CCDC57: variants seen among roughly 807,000 people sequenced by gnomAD.
CCDC57 encodes the protein coiled-coil domain containing 57.
A neutral mutation model predicts 118.9 loss-of-function variants in CCDC57; 118 were observed. The ratio of observed to expected loss-of-function variants is 0.99; its 90% CI spans 0.86 to 1.16. CCDC57 has a LOEUF of 1.16. Among genes scored for constraint, CCDC57 ranks in the 50% most tolerant of loss-of-function variants. The pLI is 0.00. For missense variants in CCDC57, 1,300 were observed against 1,320.7 expected (o/e 0.98, Z 0.24); for synonymous variants, 527 against 532.9 (o/e 0.99, Z 0.15).
In CCDC57 at chr17:82,135,086, A is replaced by G. The variant is rs997168566; in HGVS notation, c.2456-892T>C. On this transcript the variant is annotated intron_variant, in intron 16 of 19. Transcript: ENST00000665763. ...GTGTTTATAACTGTTGACATTTCAC[A>G]TATTGGAAATTGAAACAGACATTTT... 15 of 148,644 alleles carry G rather than the reference A, an allele frequency of 1.0e-4. 1 individual carries two copies. The highest frequency in any genetic ancestry group is 3.7e-4 in the African/African-American group (15 of 40,366). 9.2% of individuals were successfully genotyped at this position (148,644 alleles called of 1,614,324 possible). A position where few individuals can be genotyped will look rare whatever the true frequency, so the allele number is the denominator to read the frequency against.
chr17:82,203,870 T>C (rs898994899), intron 2 of CCDC57, among the ~76,000 whole-genome samples: 3 of 152,034 alleles, frequency 2.0e-5, no homozygotes, highest in African/African-American at 7.2e-5. Flanking sequence ...TGTCTTAGGG[T>C]ACCTCTGTAT....
chr17:82,193,926 T>A lies in CCDC57; in HGVS notation c.776+56A>T, dbSNP rs1197281767. ...AAAGGTAGAATCCCCCAGACTCCAGTCCTGGCCTGCGAGGCTGCCACAGAG... is the reference window on the plus strand; with the variant it reads ...AAAGGTAGAATCCCCCAGACTCCAGACCTGGCCTGCGAGGCTGCCACAGAG... On this transcript the variant is annotated intron_variant, in intron 6 of 19. Transcript: ENST00000665763. 3.2e-6 allele frequency: 5 copies of A among 1,582,254 alleles called. No homozygotes were observed. The African/African-American group carries it at 6.7e-5, about 21-fold the overall frequency.
intron 17 of CCDC57, among the ~76,000 whole-genome samples, chr17:82,133,366 C>T (rs370073790): frequency 1.4e-5 from 2 of 143,786 alleles, no homozygotes; most frequent in African/African-American, 5.2e-5. Context: ...AGAGCCAGGC[C>T]CTGTCTCAAA....
intron 3 of CCDC57, among the ~76,000 whole-genome samples, chr17:82,200,786 C>T (rs2048901418): frequency 1.3e-5 from 2 of 151,868 alleles, no homozygotes; most frequent in Non-Finnish European, 2.9e-5. Flanking sequence ...CAGCTAAAAA[C>T]TCTGTCTCAA....
At chr17:82,140,205 C>G (rs1045626767) in intron 16 of CCDC57, among the ~76,000 whole-genome samples, 3 of 152,132 alleles carry the variant, frequency 2.0e-5, no homozygotes, top group Non-Finnish European at 4.4e-5. Context: ...CCTCCATCAG[C>G]CTCCCGAGTA....
At chr17:82,164,644 C>G (rs1292153001) in intron 13 of CCDC57, among the ~76,000 whole-genome samples, 1 of 152,006 alleles carries the variant, frequency 6.6e-6, no homozygotes, top group African/African-American at 2.4e-5. Flanking sequence ...TCATAGGATA[C>G]TATAAGCAAC....
At chr17:82,102,493 ATCT>A (rs765587181) in intron 19 of CCDC57, among the ~76,000 whole-genome samples, 17 of 152,310 alleles carry the variant, frequency 1.1e-4, no homozygotes, top group East Asian at 1.9e-4. Context: ...GTTGTAGGTG[ATCT>A]TCTTTATCTG....
At chr17:82,196,751 A>T (rs1315236718) in intron 4 of CCDC57, among the ~76,000 whole-genome samples, 1 of 152,066 alleles carries the variant, frequency 6.6e-6, no homozygotes, top group South Asian at 2.1e-4. Flanking sequence ...GCAGAGACGC[A>T]GCCCCTCATC....
chr17:82,159,796 C>G (rs1204178136), intron 14 of CCDC57, among the ~76,000 whole-genome samples: 2 of 151,840 alleles, frequency 1.3e-5, no homozygotes, highest in African/African-American at 4.8e-5. Flanking sequence ...CTCAGCCTCC[C>G]GAGTAGCTGG....
intron 3 of CCDC57, among the ~76,000 whole-genome samples, chr17:82,199,657 C>A (rs752310149): frequency 6.6e-6 from 1 of 152,302 alleles, no homozygotes; most frequent in South Asian, 2.1e-4. Context: ...AGCACCCGCA[C>A]GGCGGGCAAG....
intron 16 of CCDC57, among the ~76,000 whole-genome samples, chr17:82,137,551 C>T (rs556844907): frequency 2.4e-4 from 37 of 152,202 alleles, no homozygotes; most frequent in Admixed American, 6.5e-4. Context: ...GTCACTTTCA[C>T]GTGGGTAGCT....
rs2050237286 is a variant in CCDC57 at position 82,212,424 on chromosome 17, C to T, written c.-211+361G>A. On this transcript the variant is annotated intron_variant, in intron 1 of 19. Transcript: ENST00000665763. This position sits in a 1 kb window ranked among gnomAD's most constrained non-coding sequence, Gnocchi z 4.1. ...TTTTTTTTTTTTTTTTTTAAACTCACAGACACTGTAAGGCTGCCTGGGCGC... is the reference window on the plus strand; with the variant it reads ...TTTTTTTTTTTTTTTTTTAAACTCATAGACACTGTAAGGCTGCCTGGGCGC... 7.4e-6 allele frequency among the ~76,000 whole-genome samples: 1 copy of T among 134,272 alleles called. No individual in the cohort carries two copies. Among genetic ancestry groups the T allele is most frequent in the Admixed American group, 8.3e-5 (1 of 12,042 alleles). The allele number at this position is 134,272 out of a possible 152,430, so 88.1% of individuals were successfully genotyped here. A position where few individuals can be genotyped will look rare whatever the true frequency, so the allele number is the denominator to read the frequency against.
intron 19 of CCDC57, among the ~76,000 whole-genome samples, chr17:82,123,343 G>C (rs1193178261): frequency 6.9e-6 from 1 of 145,312 alleles, no homozygotes; most frequent in Non-Finnish European, 1.5e-5. Context: ...TGTCCAGGCT[G>C]GTGTGGAACC....
In CCDC57 at chr17:82,198,574, C is replaced by G. The variant is rs915217665; in HGVS notation, c.408-152G>C. On this transcript the variant is annotated intron_variant, in intron 3 of 19. Transcript: ENST00000665763. ...CCCACGGGGTAGCAGAACTTCCAGC[C>G]CCACCTGGACCAGCATGCTACACCC... 4 of 594,594 alleles carry G rather than the reference C, an allele frequency of 6.7e-6. No homozygotes were observed. In the African/African-American group the frequency reaches 7.6e-5, roughly 11 times the overall value. 36.8% of individuals were successfully genotyped at this position (594,594 alleles called of 1,614,324 possible). A position where few individuals can be genotyped will look rare whatever the true frequency, so the allele number is the denominator to read the frequency against.
At chr17:82,189,380 G>A (rs2047374732) in intron 7 of CCDC57, among the ~76,000 whole-genome samples, 1 of 152,094 alleles carries the variant, frequency 6.6e-6, no homozygotes, top group Admixed American at 6.6e-5. Context: ...AGTGCTATCA[G>A]GTATATGTAA....
intron 15 of CCDC57, chr17:82,152,042 C>T (rs944170438): frequency 2.1e-6 from 1 of 487,430 alleles, no homozygotes; most frequent in Non-Finnish European, 3.7e-6. Context: ...CAGCCCTCCG[C>T]CTCCTCCCCG....
intron 1 of CCDC57, among the ~76,000 whole-genome samples, chr17:82,208,424 T>G (rs1430710958): frequency 1.3e-5 from 2 of 152,014 alleles, no homozygotes; most frequent in Non-Finnish European, 2.9e-5. Context: ...GCCCGGCTAA[T>G]TTTTGTACTT....
intron 11 of CCDC57, among the ~76,000 whole-genome samples, chr17:82,177,147 A>C (rs2045625291): frequency 6.6e-6 from 1 of 152,134 alleles, no homozygotes; most frequent in African/African-American, 2.4e-5. Context: ...TGGGAGGCTT[A>C]GGCAGGCGAA....
At chr17:82,137,224 G>A (rs2039333140) in intron 16 of CCDC57, among the ~76,000 whole-genome samples, 1 of 151,980 alleles carries the variant, frequency 6.6e-6, no homozygotes, top group South Asian at 2.1e-4. Context: ...CACCGTGTTG[G>A]CCAGGCTGGT....
Sources: gnomAD v4.1 joint callset for allele counts (sites outside exome capture counted in the v4.1 genomes callset) on GRCh38, gnomAD v4.1.1 for gene constraint, Gnocchi (gnomAD v3.1) non-coding constraint, MANE v1.5 for transcripts, NCBI Gene and HGNC (gene_info 2026-07-23, HGNC 2026-07-21) for gene names.